The following CLMP variants were observed in gnomAD, a reference collection of about 807,000 sequenced individuals.
CLMP encodes CXADR like cell adhesion molecule.
A neutral mutation model predicts 45.2 loss-of-function variants in CLMP; 27 were observed. The observed-to-expected ratio is 0.60, with a 90% CI of 0.44 to 0.82. CLMP has a LOEUF of 0.82. CLMP is among the 40% of genes least tolerant of loss of function. The probability of loss-of-function intolerance (pLI) is 0.00; values close to 1 mark genes in which losing one functional copy is unlikely to be tolerated. For synonymous variants in CLMP, 167 were observed against 171.4 expected (o/e 0.97, Z 0.20); for missense variants, 403 against 448.4 (o/e 0.90, Z 0.91).
intron 2 of CLMP, among the ~76,000 whole-genome samples, chr11:123,087,846 A>G (rs1054081524): frequency 1.3e-5 from 2 of 151,876 alleles, no homozygotes; most frequent in African/African-American, 4.8e-5. Flanking sequence ...AAACAGAAAA[A>G]TGTTTGTAGG....
In CLMP at chr11:123,118,981, CTTTCTTTCTTTCTTTCTT is replaced by C. The variant is rs1209609904; in HGVS notation, c.29-21047_29-21030del. Reference sequence around the variant, plus strand: ...TCTTTCTTTCTTTCTTTCTTTCTTTCTTTCTTTCTTTCTTTCTTTCTCTCTCTCTCTCTCTCTCTCTCT... The same window carrying C: ...TCTTTCTTTCTTTCTTTCTTTCTTTCTCTCTCTCTCTCTCTCTCTCTCTCT... On this transcript the variant is annotated intron_variant, in intron 1 of 6. Coordinates refer to ENST00000448775, the MANE Select transcript of CLMP (RefSeq NM_024769.5). 6.7e-3 allele frequency among the ~76,000 whole-genome samples: 336 copies of C among 50,208 alleles called. 10 individuals carry two copies. Among genetic ancestry groups the C allele is most frequent in the East Asian group, 0.012 (22 of 1,766 alleles). 32.9% of individuals were successfully genotyped at this position (50,208 alleles called of 152,430 possible).
chr11:123,100,954 C>G (rs991062636), intron 1 of CLMP, among the ~76,000 whole-genome samples: 1 of 152,042 alleles, frequency 6.6e-6, no homozygotes, highest in African/African-American at 2.4e-5. Flanking sequence ...ACCGCCTGCC[C>G]CCGACCTCTC....
chr11:123,194,775 T>A, intron 1 of CLMP, 138 bp downstream of exon 1: 1 of 1,031,778 alleles, frequency 9.7e-7, no homozygotes, highest in Non-Finnish European at 1.5e-6. Context: ...TGCTCCTCCG[T>A]GGCCAGGAGG....
chr11:123,131,430 A>G (rs1229473133), intron 1 of CLMP, among the ~76,000 whole-genome samples: 1 of 152,156 alleles, frequency 6.6e-6, no homozygotes, highest in Non-Finnish European at 1.5e-5. Flanking sequence ...TTAATTTTAT[A>G]TATTTAAGAT....
chr11:123,101,708 C>G (rs1310980831), intron 1 of CLMP, among the ~76,000 whole-genome samples: 2 of 152,170 alleles, frequency 1.3e-5, no homozygotes, highest in Non-Finnish European at 2.9e-5. Flanking sequence ...TATTCCTGGG[C>G]TATTGGGCCA....
chr11:123,082,106 T>C (rs1316969253), intron 5 of CLMP, among the ~76,000 whole-genome samples: 2 of 152,162 alleles, frequency 1.3e-5, no homozygotes, highest in Non-Finnish European at 2.9e-5. Context: ...CATGAGCACA[T>C]GCACATACAC....
At chr11:123,120,562 A>C (rs1295981435) in intron 1 of CLMP, among the ~76,000 whole-genome samples, 4 of 152,196 alleles carry the variant, frequency 2.6e-5, no homozygotes, top group South Asian at 4.1e-4. Flanking sequence ...TGGAGGAAAT[A>C]ATTGTATTCA....
Position 123,119,057 on chromosome 11 carries a change from CT to C in CLMP, c.29-21106del, listed in dbSNP as rs1565388099. ...TCTCTCTCTCTCTCCCTCTCCCTCT[CT>C]CTCTCTCTCTCTCTCTCTCTCTCTC... On this transcript the variant is annotated intron_variant, in intron 1 of 6. Coordinates refer to ENST00000448775, the MANE Select transcript of CLMP (RefSeq NM_024769.5). Among the ~76,000 whole-genome samples, 145 of 34,094 alleles carry C rather than the reference CT, an allele frequency of 4.3e-3. 19 individuals are homozygous for C. Among genetic ancestry groups the C allele is most frequent in the African/African-American group, 0.02 (81 of 4,076 alleles). The allele number at this position is 34,094 out of a possible 152,430, so 22.4% of individuals were successfully genotyped here. A position where few individuals can be genotyped will look rare whatever the true frequency, so the allele number is the denominator to read the frequency against.
At chr11:123,184,298 T>A (rs1157522818) in intron 1 of CLMP, among the ~76,000 whole-genome samples, 1 of 152,174 alleles carries the variant, frequency 6.6e-6, no homozygotes, top group Non-Finnish European at 1.5e-5. Context: ...TTTCACCATG[T>A]TGGCCAGGCT....
At chr11:123,098,233 C>CT (rs375172992) in intron 1 of CLMP, among the ~76,000 whole-genome samples, 87 of 148,030 alleles carry the variant, frequency 5.9e-4, no homozygotes, top group African/African-American at 1.4e-3. Flanking sequence ...CTCATGTTAA[C>CT]TTTTTTTTTT....
At chr11:123,119,225 A>T (rs1245175520) in intron 1 of CLMP, among the ~76,000 whole-genome samples, 1 of 151,782 alleles carries the variant, frequency 6.6e-6, no homozygotes, top group African/African-American at 2.4e-5. Flanking sequence ...CTGGAATTAC[A>T]GGCACGCGCC....
chr11:123,120,190 G>A (rs115835603), intron 1 of CLMP, among the ~76,000 whole-genome samples: 3,394 of 152,230 alleles, frequency 0.022, 130 homozygotes, highest in African/African-American at 0.076. Context: ...GGAGGCAAAG[G>A]TGTAAGGATT....
At chr11:123,126,596 G>C (rs1860898311) in intron 1 of CLMP, among the ~76,000 whole-genome samples, 1 of 151,998 alleles carries the variant, frequency 6.6e-6, no homozygotes, top group South Asian at 2.1e-4. Flanking sequence ...TATGAAGACA[G>C]TAATAAGAAA....
chr11:123,098,048 G>A, intron 1 of CLMP, 96 bp from the exon 2 acceptor site: 1 of 1,082,316 alleles, frequency 9.2e-7, no homozygotes, highest in South Asian at 2.0e-5. Flanking sequence ...TGTTCCCGTG[G>A]GCAAGTGCAT....
chr11:123,125,101 T>C (rs1348678183), intron 1 of CLMP, among the ~76,000 whole-genome samples: 3 of 152,154 alleles, frequency 2.0e-5, no homozygotes, highest in Admixed American at 6.6e-5. Context: ...TTTCACCATG[T>C]TGCCTAGATG....
intron 1 of CLMP, among the ~76,000 whole-genome samples, chr11:123,167,425 A>G (rs964352296): frequency 2.8e-4 from 42 of 152,040 alleles, no homozygotes; most frequent in Admixed American, 2.8e-3. Context: ...AGCTGGGACT[A>G]CAGGCGCCCA....
At chr11:123,144,911 C>T (rs923467909) in intron 1 of CLMP, among the ~76,000 whole-genome samples, 1 of 152,034 alleles carries the variant, frequency 6.6e-6, no homozygotes, top group Non-Finnish European at 1.5e-5. Context: ...CCTGCTGTCC[C>T]GGTTTTTCAG....
chr11:123,090,097 A>G (rs987849614), intron 2 of CLMP, among the ~76,000 whole-genome samples: 1 of 151,782 alleles, frequency 6.6e-6, no homozygotes, highest in South Asian at 2.1e-4. Flanking sequence ...CTCAAAGAAA[A>G]AAAAAAAAAT....
chr11:123,177,653 A>C (rs1212917853), intron 1 of CLMP, among the ~76,000 whole-genome samples: 1 of 152,166 alleles, frequency 6.6e-6, no homozygotes, highest in African/African-American at 2.4e-5. Flanking sequence ...TCTGGACTAT[A>C]GCTGAGATTG....
Sources: gnomAD v4.1 joint callset for allele counts (sites outside exome capture counted in the v4.1 genomes callset) on GRCh38, gnomAD v4.1.1 for gene constraint, MANE v1.5 for transcripts, NCBI Gene and HGNC (gene_info 2026-07-23, HGNC 2026-07-21) for gene names.